PCDH1: variants seen among roughly 807,000 people sequenced by gnomAD.
PCDH1 encodes protocadherin-1.
In PCDH1, 23 loss-of-function variants were observed where a neutral mutation model predicts 74.6. That is an observed-to-expected ratio of 0.31 (90% CI 0.22 to 0.44). The LOEUF (loss-of-function observed/expected upper bound fraction) is 0.44, where lower values mean the gene tolerates loss of function less well. Among genes scored for constraint, PCDH1 ranks in the 20% least tolerant of loss-of-function variants. The pLI is 1.00. For missense variants in PCDH1, 1,214 were observed against 1,641.4 expected, an observed-to-expected ratio of 0.74 and a Z score of 4.50; for synonymous variants, 647 against 686.1, an observed-to-expected ratio of 0.94 and a Z score of 0.89.
Position 141,853,418 on chromosome 5 carries a change from AGCAGG to A in PCDH1, c.*619_*623del, listed in dbSNP as rs1752200022. The A allele has an allele frequency of 6.6e-6, 1 of 152,424 alleles. No homozygotes were observed. Among genetic ancestry groups the A allele is most frequent in the African/African-American group, 2.4e-5 (1 of 41,442 alleles). The allele number at this position is 152,424 out of a possible 1,614,324, so 9.4% of individuals were successfully genotyped here. On this transcript the variant is annotated 3_prime_UTR_variant, in exon 5 of 5. Coordinates refer to ENST00000287008, the MANE Select transcript of PCDH1 (RefSeq NM_032420.5). Reference sequence around the variant, plus strand: ...CCTTATATACAGACACTGCATGACCAGCAGGGAATGGGGGCCCAGATGGGACTAGG... The same window carrying A: ...CCTTATATACAGACACTGCATGACCAGAATGGGGGCCCAGATGGGACTAGG...
At chr5:141,861,115 C>CA (rs59007688) in intron 3 of PCDH1, among the ~76,000 whole-genome samples, 10,369 of 60,938 alleles carry the variant, frequency 0.17, 867 homozygotes, top group African/African-American at 0.2. Context: ...AACTCCATCT[C>CA]AAAAAAAAAA....
At chr5:141,855,417 ATCC>A (rs962617841) in intron 4 of PCDH1, among the ~76,000 whole-genome samples, 21 of 152,030 alleles carry the variant, frequency 1.4e-4, no homozygotes, top group Non-Finnish European at 3.1e-4. Flanking sequence ...GTGCAAATCT[ATCC>A]TCAGGTGGGG....
At chr5:141,871,234 G>A (rs1340021078) in intron 1 of PCDH1, among the ~76,000 whole-genome samples, 2 of 152,226 alleles carry the variant, frequency 1.3e-5, no homozygotes, top group African/African-American at 4.8e-5. Context: ...GTACACTGTA[G>A]GGACTCAGTC....
At chr5:141,875,196 T>A (rs1475554998) in intron 1 of PCDH1, among the ~76,000 whole-genome samples, 4 of 151,622 alleles carry the variant, frequency 2.6e-5, no homozygotes, top group Non-Finnish European at 5.9e-5. Context: ...GGACAAATCA[T>A]TTTTTTTTCT....
At position 141,865,468 on chromosome 5, in the gene PCDH1, T is replaced by G; in HGVS notation, c.904-41A>C. ...GAAAAACAAGGAGAACAGAGATGGT[T>G]TAGATCAGGGATAGCAAATAAAGGG... On this transcript the variant is annotated intron_variant, in intron 2 of 4. Transcript: ENST00000287008. This position sits in a 1 kb window ranked among gnomAD's most constrained non-coding sequence, Gnocchi z 4.4. The G allele has an allele frequency of 6.3e-7, 1 of 1,585,822 alleles. No individual in the cohort carries two copies. The highest frequency in any genetic ancestry group is 8.6e-7 in the Non-Finnish European group (1 of 1,167,556).
chr5:141,874,990 C>T (rs939161615), intron 1 of PCDH1, among the ~76,000 whole-genome samples: 1 of 152,070 alleles, frequency 6.6e-6, no homozygotes, highest in Non-Finnish European at 1.5e-5. Context: ...CATGTCAGAT[C>T]GTTGGGGTTA....
Position 141,868,404 on chromosome 5 carries a change from G to A in PCDH1, c.903+165C>T. ...ATAGAGGAAAGTAATATCACCTGCT[G>A]GGGTGGGGTGGGAAAGACTCCCCTG... is the stretch of plus-strand genomic sequence containing the variant. On this transcript the variant is annotated intron_variant, in intron 2 of 4. Transcript: ENST00000287008. This position sits in a 1 kb window ranked among gnomAD's most constrained non-coding sequence, Gnocchi z 4.8. 1 of 1,393,968 alleles carries A rather than the reference G, an allele frequency of 7.2e-7. No individual in the cohort carries two copies. Among genetic ancestry groups the A allele is most frequent in the African/African-American group, 1.4e-5 (1 of 69,330 alleles). 86.3% of individuals were successfully genotyped at this position (1,393,968 alleles called of 1,614,324 possible). A position where few individuals can be genotyped will look rare whatever the true frequency, so the allele number is the denominator to read the frequency against.
In PCDH1 at chr5:141,854,454, G is replaced by A; in HGVS notation, c.3320-18C>T. On this transcript the variant is annotated intron_variant, in intron 4 of 4. Transcript: ENST00000287008. ...GCGAAGGTCTGTAGGAGGGAGCGGG[G>A]AAGGACAATTGTCAGACATACAGCC... 1 of 1,581,684 alleles carries A rather than the reference G, an allele frequency of 6.3e-7. No homozygotes were observed. Among genetic ancestry groups the A allele is most frequent in the South Asian group, 1.2e-5 (1 of 85,168 alleles).
At position 141,869,529 on chromosome 5, in the gene PCDH1, A is replaced by ATTCTC. The variant is rs1333959436; in HGVS notation, c.41-99_41-98insGAGAA. The ATTCTC allele has an allele frequency of 6.5e-7, 1 of 1,545,932 alleles. No individual in the cohort carries two copies. Among genetic ancestry groups the ATTCTC allele is most frequent in the East Asian group, 2.4e-5 (1 of 42,352 alleles). On this transcript the variant is annotated intron_variant, in intron 1 of 4. Transcript: ENST00000287008. The surrounding 1 kb of genome is among the most constrained non-coding windows in gnomAD (Gnocchi z 4.9). ...GCCCCATACTCACCCTCTCCCACTG[A>ATTCTC]CACACGATTCTCCACAAGAGCAGTC... is the stretch of plus-strand genomic sequence containing the variant.
chr5:141,858,966 C>T (rs1752467006), intron 3 of PCDH1, among the ~76,000 whole-genome samples: 1 of 152,056 alleles, frequency 6.6e-6, no homozygotes, highest in African/African-American at 2.4e-5. Flanking sequence ...GTGAAGGTAG[C>T]CCAGAACTGC....
rs140336328 is a variant in PCDH1, at chr5:141,863,576, G to A, written c.2755C>T (p.Pro919Ser). The A allele has an allele frequency of 8.1e-5, 130 of 1,614,156 alleles. No individual in the cohort carries two copies. The African/African-American group carries it at 1.6e-3, about 20-fold the overall frequency. The change falls in exon 3 of 5, where the codon CCA becomes TCA. Residue 919 changes from proline (P) to serine (S), a missense_variant. Pro to Ser is a moderately conservative substitution (Grantham distance 74). Around this residue, in one of 4 missense-constraint regions of PCDH1, gnomAD observed 836 missense variants for 1,182.2 expected, o/e 0.71. Transcript: ENST00000287008. This position sits in a 1 kb window ranked among gnomAD's most constrained non-coding sequence, Gnocchi z 7.5. The part of the protein sequence containing the change: ...NKSKGKKSKS[P>S]KPVKPVEDED... The stretch of plus-strand genomic sequence containing the variant: ...TCCTCCACTGGCTTCACGGGCTTTG[G>A]GGACTTGCTCTTCTTGCCTTTGCTT...
intron 2 of PCDH1, among the ~76,000 whole-genome samples, chr5:141,866,721 A>G (rs940259703): frequency 6.6e-6 from 1 of 152,244 alleles, no homozygotes; most frequent in Non-Finnish European, 1.5e-5. Context: ...CCTATTTCAC[A>G]GAACTGTGGT....
In PCDH1 at chr5:141,854,059, G is replaced by T; in HGVS notation, c.3697C>A (p.Arg1233Ser). ...ATPASAQTAK[R>S]EIYL Reference sequence around the variant, plus strand: ...TAGGGGGCTCACAGGTAGATCTCGCGCTTGGCCGTCTGGGCAGATGCCGGT... The same window carrying T: ...TAGGGGGCTCACAGGTAGATCTCGCTCTTGGCCGTCTGGGCAGATGCCGGT... Residue 1233 changes from arginine (R) to serine (S), a missense_variant, in exon 5 of 5, where the codon CGC becomes AGC. This residue lies in a region of PCDH1 where 194 missense variants were observed against 198.3 expected (regional missense o/e 0.98). Transcript: ENST00000287008. The T allele has an allele frequency of 6.6e-7, 1 of 1,508,332 alleles. No homozygotes were observed. The highest frequency in any genetic ancestry group is 8.9e-7 in the Non-Finnish European group (1 of 1,127,754). 93.4% of individuals were successfully genotyped at this position (1,508,332 alleles called of 1,614,324 possible).
intron 2 of PCDH1, chr5:141,866,036 G>T: frequency 1.0e-6 from 1 of 987,462 alleles, no homozygotes; most frequent in South Asian, 4.7e-5. Context: ...ATGTGTTTGT[G>T]CATATGTGTG....
rs962934701 is a variant in PCDH1, at chr5:141,868,735, T to C, written c.737A>G (p.Tyr246Cys). 8 of 1,614,176 alleles carry C rather than the reference T, an allele frequency of 5.0e-6. No individual in the cohort carries two copies. The highest frequency in any genetic ancestry group is 1.3e-5 in the African/African-American group (1 of 75,050). ...GNLDRERWDSYDLTIKVQDGG... is the reference protein window; with the variant it reads ...GNLDRERWDSCDLTIKVQDGG... ...ATCCTGCACCTTGATGGTGAGGTCA[T>C]AGGAGTCCCAGCGCTCACGGTCCAG... Residue 246 changes from tyrosine (Y) to cysteine (C), a missense_variant, in exon 2 of 5, where the codon TAT (tyrosine) becomes TGT (cysteine). Tyr to Cys is a radical substitution (Grantham distance 194, BLOSUM62 -2). Around this residue, in one of 4 missense-constraint regions of PCDH1, gnomAD observed 836 missense variants for 1,182.2 expected, o/e 0.71. Transcript: ENST00000287008. The surrounding 1 kb of genome is among the most constrained non-coding windows in gnomAD (Gnocchi z 4.8).
At chr5:141,856,272 C>G (rs1181981583) in intron 4 of PCDH1, 27 of 1,527,030 alleles carry the variant, frequency 1.8e-5, no homozygotes, top group Non-Finnish European at 2.3e-5. Context: ...TCTGCGCGGG[C>G]ACAAAAAGGA....
chr5:141,873,202 T>G (rs1490473875), intron 1 of PCDH1, among the ~76,000 whole-genome samples: 2 of 151,854 alleles, frequency 1.3e-5, no homozygotes, highest in African/African-American at 2.4e-5. Flanking sequence ...CTGGCCTCAC[T>G]GCAACCTCCA....
In PCDH1 at chr5:141,869,835, CT is replaced by C; in HGVS notation, c.41-405del. The C allele has an allele frequency of 4.1e-6, 4 of 980,854 alleles. No homozygotes were observed. Among genetic ancestry groups the C allele is most frequent in the Non-Finnish European group, 4.8e-6 (4 of 825,750 alleles). 60.8% of individuals were successfully genotyped at this position (980,854 alleles called of 1,614,324 possible). On this transcript the variant is annotated intron_variant, in intron 1 of 4. Transcript: ENST00000287008. The surrounding 1 kb of genome is among the most constrained non-coding windows in gnomAD (Gnocchi z 4.9). ...TGCCTTAGTCACCGATGGTAATTAC[CT>C]TGATACTGAGATAGGGAGAGAGAGC...
At chr5:141,857,771 C>T (rs1188962935) in intron 3 of PCDH1, among the ~76,000 whole-genome samples, 4 of 152,234 alleles carry the variant, frequency 2.6e-5, no homozygotes. Context: ...TCCAGTGCAA[C>T]CGCTTGTTAT....
Sources: gnomAD v4.1 joint callset for allele counts (sites outside exome capture counted in the v4.1 genomes callset) on GRCh38, gnomAD v4.1.1 for gene constraint, gnomAD v4.1.1 regional missense constraint, Gnocchi (gnomAD v3.1) non-coding constraint, MANE v1.5 for transcripts, NCBI Gene and HGNC (gene_info 2026-07-23, HGNC 2026-07-21) for gene names.